JARID2: variants seen among roughly 807,000 people sequenced by gnomAD.
JARID2 encodes the protein jumonji and AT-rich interaction domain containing 2, also known as protein Jumonji.
Under a neutral mutation model 125.6 loss-of-function variants are expected in JARID2, and 21 were observed. The ratio of observed to expected loss-of-function variants is 0.17; its 90% CI spans 0.12 to 0.24. The LOEUF is 0.24. Among genes scored for constraint, JARID2 ranks in the 10% least tolerant of loss-of-function variants. The pLI, the probability that JARID2 is intolerant of heterozygous loss-of-function variation, is 1.00. For missense variants in JARID2, 1,303 were observed against 1,639.6 expected (o/e 0.79, Z 3.55); for synonymous variants, 736 against 661.6 (o/e 1.11, Z -1.73).
chr6:15,437,400 C>T (rs1474634515), intron 3 of JARID2, among the ~76,000 whole-genome samples: 1 of 152,156 alleles, frequency 6.6e-6, no homozygotes, highest in African/African-American at 2.4e-5. Flanking sequence ...GAACCCTTGG[C>T]CTCAGCTCCT....
chr6:15,455,865 G>T (rs1768153991), intron 4 of JARID2, among the ~76,000 whole-genome samples: 1 of 152,194 alleles, frequency 6.6e-6, no homozygotes, highest in Non-Finnish European at 1.5e-5. Context: ...GACTTAACTA[G>T]TTTGGCTACT....
chr6:15,340,659 T>C (rs1763037057), intron 1 of JARID2, among the ~76,000 whole-genome samples: 1 of 152,212 alleles, frequency 6.6e-6, no homozygotes. Context: ...GCTGGTGTTC[T>C]GTATTGTGCC....
chr6:15,467,547 A>G (rs1768800401), intron 4 of JARID2, among the ~76,000 whole-genome samples: 1 of 150,436 alleles, frequency 6.6e-6, no homozygotes, highest in Non-Finnish European at 1.5e-5. Flanking sequence ...TTTTTTAAGA[A>G]TATTGAGCCT....
At position 15,426,208 on chromosome 6, in the gene JARID2, C is replaced by G. The variant is rs76147383; in HGVS notation, c.323+15843C>G. On this transcript the variant is annotated intron_variant, in intron 3 of 17. Transcript: ENST00000341776. Reference sequence around the variant, plus strand: ...CGAGATTGTGACTCTTAATAATCCTCGAGTGGGGCCGAGGTTTGACAAGTG... The same window carrying G: ...CGAGATTGTGACTCTTAATAATCCTGGAGTGGGGCCGAGGTTTGACAAGTG... Among the ~76,000 whole-genome samples the G allele has an allele frequency of 2.2e-3, 334 of 152,248 alleles. 7 individuals carry two copies. The highest frequency in any genetic ancestry group is 0.014 in the Admixed American group (211 of 15,286).
intron 1 of JARID2, among the ~76,000 whole-genome samples, chr6:15,309,587 A>G (rs975808065): frequency 4.6e-5 from 7 of 152,160 alleles, no homozygotes; most frequent in African/African-American, 1.2e-4. Context: ...AACAGTATTT[A>G]CAGTTTAATT....
chr6:15,507,003 ACT>A (rs1232002356), intron 9 of JARID2, 131 bp from the exon 10 acceptor site: 8 of 655,714 alleles, frequency 1.2e-5, no homozygotes, highest in Non-Finnish European at 2.2e-5. Flanking sequence ...TGCTGGAGAC[ACT>A]CTGCAAAGAG....
intron 2 of JARID2, among the ~76,000 whole-genome samples, chr6:15,407,691 T>C (rs1765707631): frequency 6.6e-6 from 1 of 152,166 alleles, no homozygotes; most frequent in South Asian, 2.1e-4. Context: ...AAATCCCAAC[T>C]TTCTTGTTCT....
At chr6:15,481,399 T>G (rs1769608165) in intron 5 of JARID2, among the ~76,000 whole-genome samples, 2 of 152,230 alleles carry the variant, frequency 1.3e-5, no homozygotes, top group Non-Finnish European at 2.9e-5. Context: ...TTCTATACAT[T>G]GAACTTTCTG....
chr6:15,353,350 C>T (rs1002421044), intron 1 of JARID2, among the ~76,000 whole-genome samples: 1 of 152,134 alleles, frequency 6.6e-6, no homozygotes, highest in African/African-American at 2.4e-5. Context: ...CAGTAGAAAT[C>T]TTGAGCTTAA....
intron 1 of JARID2, among the ~76,000 whole-genome samples, chr6:15,280,271 T>A (rs1760699254): frequency 6.6e-6 from 1 of 152,216 alleles, no homozygotes; most frequent in Non-Finnish European, 1.5e-5. Context: ...TCAGATGTAG[T>A]AATGTTGCTT....
At position 15,507,019 on chromosome 6, in the gene JARID2, G is replaced by C; in HGVS notation, c.2542-117G>C. Reference sequence around the variant, plus strand: ...GCTGGAGACACTCTGCAAAGAGAGCGTCTGTTCTGAGGGGTGTGTGCACCA... The same window carrying C: ...GCTGGAGACACTCTGCAAAGAGAGCCTCTGTTCTGAGGGGTGTGTGCACCA... On this transcript the variant is annotated intron_variant, in intron 9 of 17. Transcript: ENST00000341776. 1.3e-5 allele frequency: 9 copies of C among 694,148 alleles called. No homozygotes were observed. In the South Asian group the frequency reaches 1.5e-4, roughly 12 times the overall value. 43.0% of individuals were successfully genotyped at this position (694,148 alleles called of 1,614,324 possible). A position where few individuals can be genotyped will look rare whatever the true frequency, so the allele number is the denominator to read the frequency against.
intron 3 of JARID2, among the ~76,000 whole-genome samples, chr6:15,425,503 T>C (rs865781527): frequency 1.3e-5 from 2 of 152,198 alleles, no homozygotes; most frequent in African/African-American, 2.4e-5. Flanking sequence ...GTTGGGGTCA[T>C]GAGGGCTGCA....
chr6:15,277,594 C>T (rs181790923), intron 1 of JARID2, among the ~76,000 whole-genome samples: 5 of 152,014 alleles, frequency 3.3e-5, no homozygotes, highest in Non-Finnish European at 5.9e-5. Context: ...AACAAAGGTC[C>T]GACAGTCTTT....
At chr6:15,300,725 G>A (rs527791804) in intron 1 of JARID2, among the ~76,000 whole-genome samples, 1 of 113,446 alleles carries the variant, frequency 8.8e-6, no homozygotes, top group South Asian at 2.4e-4. Flanking sequence ...GTGTGTGTGA[G>A]AGAGAGAGAG....
At chr6:15,281,185 C>T (rs1239284588) in intron 1 of JARID2, among the ~76,000 whole-genome samples, 2 of 152,088 alleles carry the variant, frequency 1.3e-5, no homozygotes, top group African/African-American at 4.8e-5. Flanking sequence ...CCAGTCAGTG[C>T]GCATATACCA....
intron 1 of JARID2, among the ~76,000 whole-genome samples, chr6:15,253,651 T>A (rs1759541609): frequency 6.6e-6 from 1 of 152,074 alleles, no homozygotes; most frequent in Admixed American, 6.5e-5. Context: ...CAGTTTGTCT[T>A]GCCACAGATT....
At chr6:15,260,956 A>G (rs1759849108) in intron 1 of JARID2, among the ~76,000 whole-genome samples, 2 of 152,200 alleles carry the variant, frequency 1.3e-5, no homozygotes, top group South Asian at 4.1e-4. Flanking sequence ...GCCTTCTTCC[A>G]TGAGACTTGC....
chr6:15,487,168 C>T lies in JARID2; in HGVS notation c.671-139C>T, dbSNP rs552116976. ...CTGCCTCCATGATCCAGTCACCTCCCACCAGTTCCCTCGCTAACACATGGG... is the reference window on the plus strand; with the variant it reads ...CTGCCTCCATGATCCAGTCACCTCCTACCAGTTCCCTCGCTAACACATGGG... On this transcript the variant is annotated intron_variant, in intron 5 of 17. Coordinates refer to ENST00000341776, the MANE Select transcript of JARID2 (RefSeq NM_004973.4). The T allele has an allele frequency of 5.1e-4, 361 of 702,548 alleles. No homozygotes were observed. In the African/African-American group the frequency reaches 5.2e-3, roughly 10 times the overall value. 43.5% of individuals were successfully genotyped at this position (702,548 alleles called of 1,614,324 possible). A position where few individuals can be genotyped will look rare whatever the true frequency, so the allele number is the denominator to read the frequency against.
At chr6:15,449,357 CT>C (rs1767815443) in intron 3 of JARID2, among the ~76,000 whole-genome samples, 1 of 152,066 alleles carries the variant, frequency 6.6e-6, no homozygotes. Context: ...TTCTAAAGTG[CT>C]TTTTGGGACA....
Sources: allele counts gnomAD v4.1 joint callset (sites outside exome capture counted in the v4.1 genomes callset), GRCh38; gene constraint gnomAD v4.1.1; transcripts MANE v1.5; gene names NCBI Gene and HGNC (gene_info 2026-07-23, HGNC 2026-07-21).